NDUFB3: variants seen among roughly 807,000 people sequenced by gnomAD.
NDUFB3 encodes the protein NADH dehydrogenase [ubiquinone] 1 beta subcomplex subunit 3.
A neutral mutation model predicts 9.0 loss-of-function variants in NDUFB3; 7 were observed. The ratio of observed to expected loss-of-function variants is 0.78; its 90% confidence interval spans 0.44 to 1.46. NDUFB3 has a LOEUF of 1.46. NDUFB3 is among the 40% of genes most tolerant of loss of function. The pLI, the probability that NDUFB3 is intolerant of heterozygous loss-of-function variation, is 0.01. For synonymous variants in NDUFB3, 29 were observed against 38.5 expected, an observed-to-expected ratio of 0.75 and a Z score of 0.91; for missense variants, 93 against 115.4, an observed-to-expected ratio of 0.81 and a Z score of 0.89.
intron 2 of NDUFB3, among the ~76,000 whole-genome samples, chr2:201,083,574 C>T (rs1484586891): frequency 6.6e-6 from 1 of 151,664 alleles, no homozygotes; most frequent in African/African-American, 2.4e-5. Context: ...CTCAAGCTCC[C>T]GACCTCAGGT....
chr2:201,078,793 G>T, intron 1 of NDUFB3, 88 bp from the exon 2 acceptor site: 6 of 1,220,924 alleles, frequency 4.9e-6, no homozygotes, highest in Non-Finnish European at 4.5e-6. Context: ...AATATTAAAT[G>T]CTTTACCTTA....
chr2:201,073,585 G>A (rs1225698912), intron 1 of NDUFB3, among the ~76,000 whole-genome samples: 1 of 152,122 alleles, frequency 6.6e-6, no homozygotes, highest in Non-Finnish European at 1.5e-5. Context: ...TGACCAACAT[G>A]GTGAAACCCA....
At chr2:201,081,971 A>G (rs1223925304) in intron 2 of NDUFB3, among the ~76,000 whole-genome samples, 1 of 151,794 alleles carries the variant, frequency 6.6e-6, no homozygotes, top group Non-Finnish European at 1.5e-5. Flanking sequence ...GCCCACCACT[A>G]TGCCCGGCTA....
At chr2:201,072,188 A>T (rs1244845781) in intron 1 of NDUFB3, 129 bp downstream of exon 1, 1 of 152,414 alleles carries the variant, frequency 6.6e-6, no homozygotes, top group African/African-American at 2.4e-5. Context: ...AAGAACTAGC[A>T]GGCGAGAACT....
chr2:201,074,903 A>C (rs945115370), intron 1 of NDUFB3, among the ~76,000 whole-genome samples: 1 of 152,196 alleles, frequency 6.6e-6, no homozygotes, highest in African/African-American at 2.4e-5. Flanking sequence ...TCTTCATGTT[A>C]TATGAAGAAA....
chr2:201,082,556 C>T (rs539722891), intron 2 of NDUFB3, among the ~76,000 whole-genome samples: 98 of 152,214 alleles, frequency 6.4e-4, no homozygotes, highest in Non-Finnish European at 1.1e-3. Flanking sequence ...TGAGCTACAG[C>T]ACCCAGCTTG....
chr2:201,081,393 G>C (rs1427425740), intron 2 of NDUFB3, among the ~76,000 whole-genome samples: 2 of 151,784 alleles, frequency 1.3e-5, no homozygotes, highest in African/African-American at 4.8e-5. Context: ...TGAGACAGGA[G>C]AATCACTTGA....
rs570753275 is a variant in NDUFB3 at position 201,078,263 on chromosome 2, C to T, written c.-2-618C>T. ...CTTGCAGTGAGCCAAGATTGCACCA[C>T]TGCACTCCAGCCTGAGCGACAGAGC... On this transcript the variant is annotated intron_variant, in intron 1 of 2. Coordinates refer to ENST00000237889, the MANE Select transcript of NDUFB3 (RefSeq NM_002491.3). 3.9e-5 allele frequency among the ~76,000 whole-genome samples: 6 copies of T among 152,182 alleles called. No individual in the cohort carries two copies. In the South Asian group the frequency reaches 1.2e-3, roughly 32 times the overall value.
intron 1 of NDUFB3, among the ~76,000 whole-genome samples, chr2:201,075,876 C>T (rs2047158209): frequency 6.6e-6 from 1 of 152,116 alleles, no homozygotes; most frequent in South Asian, 2.1e-4. Flanking sequence ...CACTGATACT[C>T]AGGTTGATAT....
At position 201,073,190 on chromosome 2, in the gene NDUFB3, G is replaced by T. The variant is rs2047113891; in HGVS notation, c.-3+1131G>T. Among the ~76,000 whole-genome samples the T allele has an allele frequency of 3.9e-5, 6 of 152,128 alleles. No individual in the cohort carries two copies. In the South Asian group the frequency reaches 1.2e-3, roughly 32 times the overall value. On this transcript the variant is annotated intron_variant, in intron 1 of 2. Coordinates refer to ENST00000237889, the MANE Select transcript of NDUFB3 (RefSeq NM_002491.3). ...CCTGACTTGTGCTAAGCACTCACTT[G>T]TTTTACTTTAATTTTTCCGTCTATG...
intron 2 of NDUFB3, among the ~76,000 whole-genome samples, chr2:201,080,699 C>CT (rs58130221): frequency 0.14 from 13,433 of 99,090 alleles, 1,591 homozygotes; most frequent in East Asian, 0.24. Context: ...AGATCTCCAA[C>CT]TTTTTTTTTT....
chr2:201,073,635 G>T (rs2125529873), intron 1 of NDUFB3, among the ~76,000 whole-genome samples: 1 of 152,128 alleles, frequency 6.6e-6, no homozygotes, highest in South Asian at 2.1e-4. Context: ...GGGTGTGGTG[G>T]TGCACGCCTG....
intron 2 of NDUFB3, among the ~76,000 whole-genome samples, chr2:201,081,923 C>G (rs2047228483): frequency 6.6e-6 from 1 of 151,688 alleles, no homozygotes; most frequent in South Asian, 2.1e-4. Context: ...TCACACCATT[C>G]TCCTGCCTCA....
At chr2:201,073,975 CAG>C (rs1176312651) in intron 1 of NDUFB3, among the ~76,000 whole-genome samples, 29 of 151,816 alleles carry the variant, frequency 1.9e-4, no homozygotes, top group African/African-American at 7.0e-4. Flanking sequence ...TTTTTTGAGA[CAG>C]AGTCTCGCTC....
intron 1 of NDUFB3, among the ~76,000 whole-genome samples, chr2:201,073,136 C>T (rs2047111288): frequency 6.6e-6 from 1 of 152,074 alleles, no homozygotes; most frequent in African/African-American, 2.4e-5. Flanking sequence ...TCTGTGATTC[C>T]ATCTCCTCCA....
chr2:201,078,508 G>A (rs1247385252), intron 1 of NDUFB3, among the ~76,000 whole-genome samples: 1 of 152,062 alleles, frequency 6.6e-6, no homozygotes, highest in African/African-American at 2.4e-5. Context: ...TACACATAAA[G>A]CATTTTAGCA....
At chr2:201,081,473 C>G (rs1380729975) in intron 2 of NDUFB3, among the ~76,000 whole-genome samples, 1 of 151,736 alleles carries the variant, frequency 6.6e-6, no homozygotes, top group Non-Finnish European at 1.5e-5. Flanking sequence ...ACAGAGTAAG[C>G]TTCCATCTTA....
At chr2:201,082,568 A>G (rs1480061057) in intron 2 of NDUFB3, among the ~76,000 whole-genome samples, 1 of 152,038 alleles carries the variant, frequency 6.6e-6, no homozygotes, top group African/African-American at 2.4e-5. Context: ...CCCAGCTTGA[A>G]TTATTTTAAT....
chr2:201,081,685 G>A (rs1358359583), intron 2 of NDUFB3, among the ~76,000 whole-genome samples: 2 of 151,690 alleles, frequency 1.3e-5, no homozygotes, highest in South Asian at 2.1e-4. Context: ...GTCTCACTGT[G>A]TCACCCAGGC....
Sources: gnomAD v4.1 joint callset for allele counts (sites outside exome capture counted in the v4.1 genomes callset) on GRCh38, gnomAD v4.1.1 for gene constraint, MANE v1.5 for transcripts, NCBI Gene and HGNC (gene_info 2026-07-23, HGNC 2026-07-21) for gene names.